TSPAN9: variants seen among roughly 807,000 people sequenced by gnomAD.
TSPAN9 encodes tetraspanin 9.
In TSPAN9, 16 loss-of-function variants were observed where a neutral mutation model predicts 31.0. The ratio of observed to expected loss-of-function variants is 0.52; its 90% CI spans 0.35 to 0.78. The LOEUF is 0.78. TSPAN9 is among the 30% of genes least tolerant of loss of function. The pLI is 0.01. For synonymous variants in TSPAN9, 145 were observed against 121.6 expected (o/e 1.19, Z -1.27); for missense variants, 272 against 312.5 (o/e 0.87, Z 0.98).
intron 2 of TSPAN9, among the ~76,000 whole-genome samples, chr12:3,177,307 C>A (rs1479731624): frequency 2.1e-5 from 3 of 143,982 alleles, no homozygotes; most frequent in African/African-American, 7.8e-5. Context: ...CCAGCTAATT[C>A]TGTGTATTTT....
chr12:3,186,921 T>G (rs9788171), intron 2 of TSPAN9, among the ~76,000 whole-genome samples: 2 of 151,958 alleles, frequency 1.3e-5, no homozygotes, highest in Non-Finnish European at 2.9e-5. Flanking sequence ...AGTTGTTTGC[T>G]GGAGCCTACT....
At chr12:3,165,929 G>A (rs1328592526) in intron 2 of TSPAN9, among the ~76,000 whole-genome samples, 5 of 152,174 alleles carry the variant, frequency 3.3e-5, no homozygotes, top group Admixed American at 2.0e-4. Flanking sequence ...GAGTGGCTCC[G>A]CACCGAGGCT....
At chr12:3,138,690 C>T (rs540946070) in intron 2 of TSPAN9, among the ~76,000 whole-genome samples, 48 of 151,772 alleles carry the variant, frequency 3.2e-4, no homozygotes, top group South Asian at 2.9e-3. Context: ...GATGGGGTTT[C>T]GTCATGTTGG....
At chr12:3,169,397 T>C (rs955972254) in intron 2 of TSPAN9, among the ~76,000 whole-genome samples, 8 of 152,190 alleles carry the variant, frequency 5.3e-5, no homozygotes, top group African/African-American at 1.9e-4. Context: ...AGCTCTGATT[T>C]CTAATTCTGG....
chr12:3,081,832 G>A (rs1016565955), intron 1 of TSPAN9, among the ~76,000 whole-genome samples: 6,655 of 27,822 alleles, frequency 0.24, 323 homozygotes, highest in South Asian at 0.38. Context: ...GTGTGTGTGT[G>A]TGTCTGTGTG....
chr12:3,278,346 G>C, intron 3 of TSPAN9, 75 bp from the exon 4 acceptor site: 6 of 1,558,840 alleles, frequency 3.8e-6, no homozygotes, highest in Non-Finnish European at 5.2e-6. Context: ...CATGGGGTGG[G>C]GACCTGCACT....
chr12:3,153,598 C>T (rs962008585), intron 2 of TSPAN9, among the ~76,000 whole-genome samples: 3 of 152,268 alleles, frequency 2.0e-5, no homozygotes, highest in Non-Finnish European at 2.9e-5. Flanking sequence ...CCTATTTATC[C>T]GTTTTCCTAC....
At chr12:3,151,742 T>C (rs558133352) in intron 2 of TSPAN9, among the ~76,000 whole-genome samples, 6 of 152,206 alleles carry the variant, frequency 3.9e-5, no homozygotes, top group African/African-American at 1.4e-4. Context: ...CCTTCCTTGC[T>C]CCCTCCAGCC....
intron 2 of TSPAN9, among the ~76,000 whole-genome samples, chr12:3,105,744 ACACT>A (rs934556565): frequency 1.8e-4 from 25 of 137,188 alleles, no homozygotes; most frequent in South Asian, 8.3e-4. Context: ...GTGCACACAC[ACACT>A]CACACACACG....
rs188476790 is a variant in TSPAN9 at position 3,143,927 on chromosome 12, G to A, written c.-17-57250G>A. ...AAACCAAGATCTAGGTGCTAGGTGC[G>A]TTCATTGCTACTGGGGTGTCATTGC... On this transcript the variant is annotated intron_variant, in intron 2 of 8. Coordinates refer to ENST00000011898, the MANE Select transcript of TSPAN9 (RefSeq NM_006675.5). This position sits in a 1 kb window ranked among gnomAD's most constrained non-coding sequence, Gnocchi z 4.2. Among the ~76,000 whole-genome samples the A allele has an allele frequency of 5.3e-5, 8 of 152,124 alleles. No homozygotes were observed. Among genetic ancestry groups the A allele is most frequent in the Non-Finnish European group, 5.9e-5 (4 of 68,028 alleles).
chr12:3,103,832 C>T (rs36044689), intron 2 of TSPAN9, among the ~76,000 whole-genome samples: 22,734 of 152,084 alleles, frequency 0.15, 2,062 homozygotes, highest in East Asian at 0.35. Context: ...GCACTGCTCC[C>T]GGCTCTGGGG....
At chr12:3,189,022 C>G (rs969112625) in intron 2 of TSPAN9, among the ~76,000 whole-genome samples, 2 of 152,290 alleles carry the variant, frequency 1.3e-5, no homozygotes, top group South Asian at 2.1e-4. Context: ...TGAGCTCTCC[C>G]CGCTTGGAGC....
rs554998087 is a variant in TSPAN9 at position 3,132,710 on chromosome 12, T to A, written c.-18+48991T>A. On this transcript the variant is annotated intron_variant, in intron 2 of 8. Transcript: ENST00000011898. ...CTGGCGTGGACGACTCCCACTTCCC[T>A]GGTTCCAGATATTTGACTTTTTCCT... Among the ~76,000 whole-genome samples, 12 of 152,296 alleles carry A rather than the reference T, an allele frequency of 7.9e-5. No homozygotes were observed. In the South Asian group the frequency reaches 2.3e-3, roughly 29 times the overall value.
rs537786468 is a variant in TSPAN9 at position 3,164,857 on chromosome 12, G to A, written c.-17-36320G>A. 5.9e-5 allele frequency among the ~76,000 whole-genome samples: 9 copies of A among 152,340 alleles called. No homozygotes were observed. In the East Asian group the frequency reaches 1.5e-3, roughly 26 times the overall value. ...GGTAGAGTAAAGAGCATTAGGGTGA[G>A]GGTCAGAGGACCTAGCTCTGAATCC... is the stretch of plus-strand genomic sequence containing the variant. On this transcript the variant is annotated intron_variant, in intron 2 of 8. Coordinates refer to ENST00000011898, the MANE Select transcript of TSPAN9 (RefSeq NM_006675.5).
At chr12:3,260,509 G>C (rs1025807349) in intron 3 of TSPAN9, among the ~76,000 whole-genome samples, 1 of 152,224 alleles carries the variant, frequency 6.6e-6, no homozygotes, top group Non-Finnish European at 1.5e-5. Context: ...TCATAGTCCC[G>C]TGCTGCTGGG....
chr12:3,276,227 T>TCGGGCCCTCCCG (rs749001642), intron 3 of TSPAN9, among the ~76,000 whole-genome samples: 33 of 152,268 alleles, frequency 2.2e-4, no homozygotes, highest in Admixed American at 5.2e-4. Context: ...CTGGCCTCCC[T>TCGGGCCCTCCCG]CGGGCCCTCC....
intron 3 of TSPAN9, among the ~76,000 whole-genome samples, chr12:3,277,662 C>T (rs371119964): frequency 8.5e-5 from 13 of 152,276 alleles, no homozygotes; most frequent in South Asian, 2.1e-4. Flanking sequence ...GATTTGCAGC[C>T]GGTGAAATGG....
At chr12:3,139,211 C>T (rs2098333574) in intron 2 of TSPAN9, among the ~76,000 whole-genome samples, 1 of 152,220 alleles carries the variant, frequency 6.6e-6, no homozygotes. Flanking sequence ...CTTGTTTCCT[C>T]TCTTCCTCTG....
chr12:3,247,457 G>A (rs1431456946), intron 3 of TSPAN9, among the ~76,000 whole-genome samples: 1 of 152,106 alleles, frequency 6.6e-6, no homozygotes, highest in African/African-American at 2.4e-5. Flanking sequence ...GAAACCACAG[G>A]AGTGCCGAGA....
Sources: allele counts gnomAD v4.1 joint callset (sites outside exome capture counted in the v4.1 genomes callset), GRCh38; gene constraint gnomAD v4.1.1; non-coding constraint Gnocchi (gnomAD v3.1); transcripts MANE v1.5; gene names NCBI Gene and HGNC (gene_info 2026-07-23, HGNC 2026-07-21).